The following ZNG1F variants were observed in gnomAD, a reference collection of about 807,000 sequenced individuals.
The protein encoded by ZNG1F is zinc-regulated GTPase metalloprotein activator 1F.
the ZNG1F span, among the ~76,000 whole-genome samples, chr9:41,187,550 C>T: frequency 6.7e-6 from 1 of 148,574 alleles, no homozygotes; most frequent in African/African-American, 2.5e-5. Flanking sequence ...CATAGGGACG[C>T]CACTGAAAGG....
the ZNG1F span, chr9:41,132,161 G>A: frequency 9.0e-6 from 14 of 1,558,422 alleles, no homozygotes; most frequent in East Asian, 3.0e-4. Flanking sequence ...TGTTTAAGTG[G>A]CACATGATAT....
chr9:41,132,519 G>C, the ZNG1F span: 1 of 1,384,272 alleles, frequency 7.2e-7, no homozygotes, highest in East Asian at 2.7e-5. Flanking sequence ...TGAATTACAA[G>C]AAGTTTCTTA....
At chr9:41,195,656 C>T in the ZNG1F span, among the ~76,000 whole-genome samples, 1 of 118,850 alleles carries the variant, frequency 8.4e-6, no homozygotes, top group Admixed American at 1.0e-4. Context: ...TTGAGTGGTG[C>T]ACCAATCTCT....
At chr9:41,195,642 C>T in the ZNG1F span, among the ~76,000 whole-genome samples, 1 of 118,918 alleles carries the variant, frequency 8.4e-6, no homozygotes, top group African/African-American at 2.9e-5. Flanking sequence ...CTCAAGCTGA[C>T]AAGTTGAGTG....
At chr9:41,169,738 C>G in the ZNG1F span, among the ~76,000 whole-genome samples, 10 of 146,912 alleles carry the variant, frequency 6.8e-5, no homozygotes, top group Non-Finnish European at 1.5e-5. Flanking sequence ...GTTCTTACCA[C>G]CCCCTCTCAA....
chr9:41,183,802 T>C, the ZNG1F span: 1 of 1,420,724 alleles, frequency 7.0e-7, no homozygotes, highest in Non-Finnish European at 9.5e-7. Context: ...TTTCACTTTA[T>C]TCATGCAGCC....
chr9:41,157,512 C>A, the ZNG1F span: 1 of 140,142 alleles, frequency 7.1e-6, no homozygotes, highest in Non-Finnish European at 1.5e-5. Flanking sequence ...TTCTCATAAT[C>A]AAAGCTAAGG....
the ZNG1F span, chr9:41,145,987 G>A: frequency 1.5e-4 from 19 of 126,972 alleles, 1 homozygote; most frequent in Non-Finnish European, 2.4e-4. Flanking sequence ...CAGGACGGGA[G>A]GGGGAAAGGA....
the ZNG1F span, among the ~76,000 whole-genome samples, chr9:41,183,959 A>AT: frequency 7.9e-6 from 1 of 125,996 alleles, no homozygotes; most frequent in Admixed American, 7.9e-5. Flanking sequence ...TAATGAAGGC[A>AT]TTTTTTTCTT....
the ZNG1F span, among the ~76,000 whole-genome samples, chr9:41,141,340 G>C: frequency 6.7e-6 from 1 of 149,766 alleles, no homozygotes; most frequent in African/African-American, 2.5e-5. Context: ...TCCAAACCCA[G>C]GTGTTCCTTA....
At chr9:41,154,235 GA>G in the ZNG1F span, among the ~76,000 whole-genome samples, 1 of 22,936 alleles carries the variant, frequency 4.4e-5, no homozygotes, top group African/African-American at 1.8e-4. Context: ...GCCAAATCAT[GA>G]GTGAACTCCC....
chr9:41,192,983 T>C, the ZNG1F span, among the ~76,000 whole-genome samples: 1 of 152,090 alleles, frequency 6.6e-6, no homozygotes, highest in South Asian at 2.1e-4. Flanking sequence ...TAGTAATGTT[T>C]TGAGCCCCTA....
the ZNG1F span, chr9:41,158,262 C>T: frequency 8.6e-6 from 1 of 116,954 alleles, no homozygotes; most frequent in South Asian, 3.4e-4. Flanking sequence ...TTCAGTGAGC[C>T]GAGATCGCAC....
chr9:41,165,197 C>A, the ZNG1F span: 6 of 950,842 alleles, frequency 6.3e-6, no homozygotes, highest in Non-Finnish European at 8.7e-6. Context: ...ATAAAAACAC[C>A]TCATGTAGAT....
chr9:41,178,561 TTTTATTTA>T, the ZNG1F span, among the ~76,000 whole-genome samples: 1 of 12,908 alleles, frequency 7.7e-5, no homozygotes, highest in African/African-American at 2.9e-4. Flanking sequence ...CAGACTTATT[TTTTATTTA>T]TTTATTTATT....
At chr9:41,174,249 A>AC in the ZNG1F span, 1 of 1,496,824 alleles carries the variant, frequency 6.7e-7, no homozygotes, top group African/African-American at 1.5e-5. Context: ...AAAAAAAAAA[A>AC]AAAAAAAACA....
At chr9:41,183,480 T>C in the ZNG1F span, 2 of 1,388,870 alleles carry the variant, frequency 1.4e-6, no homozygotes, top group Non-Finnish European at 1.9e-6. Flanking sequence ...TAAATTCAGT[T>C]AAATTACTCA....
At chr9:41,145,319 G>GT in the ZNG1F span, 103 of 377,964 alleles carry the variant, frequency 2.7e-4, no homozygotes, top group Admixed American at 6.6e-4. Context: ...ACATGCTGAA[G>GT]TTTTTTCTGC....
the ZNG1F span, among the ~76,000 whole-genome samples, chr9:41,193,620 C>G: frequency 6.7e-6 from 1 of 148,936 alleles, no homozygotes; most frequent in South Asian, 2.1e-4. Flanking sequence ...GCAATCTCAG[C>G]CAGACACAGT....
Sources: allele counts gnomAD v4.1 joint callset (sites outside exome capture counted in the v4.1 genomes callset), GRCh38; gene constraint gnomAD v4.1.1; transcripts MANE v1.5; gene names NCBI Gene and HGNC (gene_info 2026-07-23, HGNC 2026-07-21).